Variants in GRIK2 observed in about 807,000 individuals in gnomAD.
GRIK2 encodes glutamate receptor ionotropic, kainate 2.
In GRIK2, 32 loss-of-function variants were observed where a neutral mutation model predicts 100.3. That is an observed-to-expected ratio of 0.32 (90% CI 0.24 to 0.43). The LOEUF is 0.43. Ranked by LOEUF, GRIK2 falls within the 20% of genes least tolerant of loss-of-function variation. The pLI, the probability that GRIK2 is intolerant of heterozygous loss-of-function variation, is 1.00. For missense variants in GRIK2, 843 were observed against 1,114.9 expected, an observed-to-expected ratio of 0.76 and a Z score of 3.47; for synonymous variants, 417 against 389.4, an observed-to-expected ratio of 1.07 and a Z score of -0.83.
intron 2 of GRIK2, among the ~76,000 whole-genome samples, chr6:101,494,899 C>T (rs1773344088): frequency 6.8e-6 from 1 of 148,122 alleles, no homozygotes; most frequent in South Asian, 2.1e-4. Context: ...GAGCCAATGT[C>T]TGGGAGACAG....
intron 5 of GRIK2, among the ~76,000 whole-genome samples, chr6:101,681,915 A>G (rs538363396): frequency 2.4e-4 from 36 of 152,318 alleles, no homozygotes; most frequent in African/African-American, 8.7e-4. Flanking sequence ...ACTTGTTATA[A>G]CTAAAAGTTC....
intron 14 of GRIK2, among the ~76,000 whole-genome samples, chr6:101,961,629 A>C (rs1792307988): frequency 1.3e-5 from 2 of 152,138 alleles, no homozygotes; most frequent in African/African-American, 4.8e-5. Context: ...CAATGGGCGC[A>C]GTAATCTTCA....
At chr6:101,866,103 G>A (rs904033795) in intron 11 of GRIK2, among the ~76,000 whole-genome samples, 1 of 152,152 alleles carries the variant, frequency 6.6e-6, no homozygotes, top group Admixed American at 6.5e-5. Context: ...TGCTTCAAGT[G>A]TCTCTTTTAA....
intron 11 of GRIK2, among the ~76,000 whole-genome samples, chr6:101,874,041 A>T (rs993935622): frequency 2.6e-5 from 4 of 151,838 alleles, no homozygotes; most frequent in Admixed American, 6.6e-5. Context: ...TCCCATTCTG[A>T]AGGTTGCCTG....
chr6:101,566,555 T>G (rs900634932), intron 2 of GRIK2, among the ~76,000 whole-genome samples: 23 of 151,748 alleles, frequency 1.5e-4, no homozygotes, highest in Middle Eastern at 3.2e-3. Context: ...AGAATCTGAA[T>G]TGTTAATAAA....
intron 4 of GRIK2, among the ~76,000 whole-genome samples, chr6:101,653,872 C>T (rs566391814): frequency 2.1e-4 from 32 of 152,218 alleles, no homozygotes; most frequent in African/African-American, 3.1e-4. Flanking sequence ...CCACCTGCCT[C>T]GGCCTTTCAA....
At position 102,028,754 on chromosome 6, in the gene GRIK2, T is replaced by C. The variant is rs867282544; in HGVS notation, c.2086-6587T>C. Among the ~76,000 whole-genome samples the C allele has an allele frequency of 1.2e-4, 18 of 151,302 alleles. No homozygotes were observed. In the Middle Eastern group the frequency reaches 0.01, roughly 86 times the overall value. Reference sequence around the variant, plus strand: ...TTTTTTATTTTTGTCAGGTAAGTTATAATCTTTTTATGTTTTATGTAATTA... The same window carrying C: ...TTTTTTATTTTTGTCAGGTAAGTTACAATCTTTTTATGTTTTATGTAATTA... On this transcript the variant is annotated intron_variant, in intron 14 of 16. Coordinates refer to ENST00000369134, the MANE Select transcript of GRIK2 (RefSeq NM_021956.5).
At chr6:101,912,299 G>A (rs909560394) in intron 12 of GRIK2, among the ~76,000 whole-genome samples, 39 of 151,342 alleles carry the variant, frequency 2.6e-4, no homozygotes, top group African/African-American at 9.4e-4. Context: ...TAAAAAACTC[G>A]TTTTCAAGGC....
intron 2 of GRIK2, among the ~76,000 whole-genome samples, chr6:101,592,588 CATATATATATATATATAT>C (rs3056161): frequency 0.11 from 11,149 of 102,056 alleles, 902 homozygotes; most frequent in South Asian, 0.17. Context: ...ACTAATATCA[CATATATATATATATATAT>C]ATATATATAT....
At chr6:101,735,820 C>T (rs769200623) in intron 7 of GRIK2, among the ~76,000 whole-genome samples, 1 of 152,186 alleles carries the variant, frequency 6.6e-6, no homozygotes, top group Non-Finnish European at 1.5e-5. Flanking sequence ...AACAGTCCCT[C>T]AAAGTCTTAA....
intron 14 of GRIK2, among the ~76,000 whole-genome samples, chr6:102,025,879 G>T (rs1002400368): frequency 3.3e-5 from 5 of 150,690 alleles, no homozygotes; most frequent in African/African-American, 4.9e-5. Flanking sequence ...TTATTAAATA[G>T]AATAAGTTGA....
intron 14 of GRIK2, among the ~76,000 whole-genome samples, chr6:102,023,297 T>C (rs978091793): frequency 2.6e-5 from 4 of 151,084 alleles, no homozygotes; most frequent in African/African-American, 9.7e-5. Flanking sequence ...AAATAAGACC[T>C]GAAAGGCTTG....
At chr6:101,622,909 T>C (rs1464490653) in intron 3 of GRIK2, among the ~76,000 whole-genome samples, 1 of 151,990 alleles carries the variant, frequency 6.6e-6, no homozygotes, top group South Asian at 2.1e-4. Flanking sequence ...GCTTCTATAG[T>C]CTTATGTGGG....
At chr6:102,041,368 T>C (rs1770563813) in intron 15 of GRIK2, among the ~76,000 whole-genome samples, 1 of 151,706 alleles carries the variant, frequency 6.6e-6, no homozygotes, top group African/African-American at 2.4e-5. Flanking sequence ...TTTAGATCAG[T>C]TAGCCACAGA....
At chr6:102,045,616 G>T (rs1347924431) in intron 15 of GRIK2, among the ~76,000 whole-genome samples, 2 of 151,840 alleles carry the variant, frequency 1.3e-5, no homozygotes, top group African/African-American at 4.8e-5. Context: ...ATGTACTAAA[G>T]ACATACCTAA....
intron 12 of GRIK2, among the ~76,000 whole-genome samples, chr6:101,897,351 G>T (rs1787537915): frequency 6.6e-6 from 1 of 151,376 alleles, no homozygotes; most frequent in African/African-American, 2.4e-5. Context: ...TTTCTTTTAT[G>T]TTTTGTTGTT....
intron 16 of GRIK2, among the ~76,000 whole-genome samples, chr6:102,066,415 C>T (rs1772019424): frequency 6.6e-6 from 1 of 151,434 alleles, no homozygotes; most frequent in South Asian, 2.1e-4. Context: ...AGAGCACTGG[C>T]AGGCCAGACA....
At chr6:101,488,738 AC>A in intron 2 of GRIK2, among the ~76,000 whole-genome samples, 1 of 145,972 alleles carries the variant, frequency 6.9e-6, no homozygotes, top group East Asian at 2.0e-4. Context: ...ACAAATAAAC[AC>A]TTTTTTTAAT....
chr6:101,483,378 G>C (rs1008585455), intron 2 of GRIK2, among the ~76,000 whole-genome samples: 1 of 152,144 alleles, frequency 6.6e-6, no homozygotes, highest in Non-Finnish European at 1.5e-5. Context: ...AGTATGATTA[G>C]TAGTGGGTTC....
Sources: gnomAD v4.1 joint callset for allele counts (sites outside exome capture counted in the v4.1 genomes callset) on GRCh38, gnomAD v4.1.1 for gene constraint, MANE v1.5 for transcripts, NCBI Gene and HGNC (gene_info 2026-07-23, HGNC 2026-07-21) for gene names.